The following MCF2 variants were observed in gnomAD, a reference collection of about 807,000 sequenced individuals.
MCF2 encodes proto-oncogene DBL.
A neutral mutation model predicts 82.5 loss-of-function variants in MCF2; 44 were observed. The observed-to-expected ratio is 0.53, with a 90% confidence interval of 0.42 to 0.69. MCF2 has a LOEUF of 0.69. Among genes scored for constraint, MCF2 ranks in the 30% least tolerant of loss-of-function variants. The pLI is 0.00. For missense variants in MCF2, 623 were observed against 663.1 expected (o/e 0.94, Z 0.66); for synonymous variants, 217 against 224.9 (o/e 0.96, Z 0.32).
At position 139,596,783 on chromosome X, in the gene MCF2, A is replaced by G. The variant is rs1312006456; in HGVS notation, c.2056-13T>C. On this transcript the variant is annotated splice_polypyrimidine_tract_variant and intron_variant, in intron 18 of 24. Coordinates refer to ENST00000370576, the Ensembl canonical transcript of MCF2. ...CATTTAAGTTTCCCTAGAATGGAAA[A>G]TCAAAACCCATTAGTAGAAAGCAAA... 8.9e-7 allele frequency: 1 copy of G among 1,120,169 alleles called. No homozygotes were observed. Among genetic ancestry groups the G allele is most frequent in the Non-Finnish European group, 1.2e-6 (1 of 814,015 alleles). The allele number at this position is 1,120,169 out of a possible 1,213,427, so 92.3% of individuals were successfully genotyped here.
At chrX:139,637,632 C>T (rs1283048029) in intron 1 of MCF2, among the ~76,000 whole-genome samples, 1 of 111,377 alleles carries the variant, frequency 9.0e-6, no homozygotes, top group Non-Finnish European at 1.9e-5. Context: ...TAGAATTATG[C>T]CCATAAAGAG....
intron 6 of MCF2, among the ~76,000 whole-genome samples, chrX:139,623,210 C>G (rs1196164246): frequency 9.0e-6 from 1 of 111,446 alleles, no homozygotes; most frequent in Non-Finnish European, 1.9e-5. Flanking sequence ...CCATTTGACC[C>G]AGCAATCCCA....
At chrX:139,605,083 A>G (rs1002561975) in intron 13 of MCF2, 99 bp from the exon 18 acceptor site, 2 of 323,885 alleles carry the variant, frequency 6.2e-6, no homozygotes, top group African/African-American at 5.5e-5. Context: ...AAGGGATTTG[A>G]TGGTGAAGTT....
intron 1 of MCF2, among the ~76,000 whole-genome samples, chrX:139,678,156 CT>C (rs1934916885): frequency 9.0e-6 from 1 of 111,636 alleles, no homozygotes; most frequent in African/African-American, 3.3e-5. Context: ...GACCAAGACC[CT>C]GTCTCAAAAA....
At chrX:139,606,043 C>A in intron 12 of MCF2, among the ~76,000 whole-genome samples, 1 of 102,218 alleles carries the variant, frequency 9.8e-6, no homozygotes, top group African/African-American at 3.6e-5. Flanking sequence ...ATCCCGCTTT[C>A]TTTCATATAT....
At chrX:139,696,392 G>A (rs866962560) in intron 1 of MCF2, among the ~76,000 whole-genome samples, 22 of 84,060 alleles carry the variant, frequency 2.6e-4, no homozygotes, top group Non-Finnish European at 3.6e-4. Flanking sequence ...TTCTCATCTC[G>A]TCTCCTCTTC....
chrX:139,593,015 A>C (rs983132119), intron 19 of MCF2, among the ~76,000 whole-genome samples: 1 of 112,272 alleles, frequency 8.9e-6, no homozygotes, highest in Non-Finnish European at 1.9e-5. Flanking sequence ...ACTATGAAAG[A>C]ACATGCTCAT....
intron 15 of MCF2, 80 bp from the exon 20 acceptor site, chrX:139,602,578 T>C: frequency 1.5e-6 from 1 of 647,183 alleles, no homozygotes; most frequent in Non-Finnish European, 2.5e-6. Context: ...AACAAGAGTG[T>C]AACCAAGCAT....
chrX:139,605,685 T>C (rs751743943), intron 13 of MCF2, 28 bp downstream of exon 17: 43 of 1,160,565 alleles, frequency 3.7e-5, no homozygotes, highest in Non-Finnish European at 4.9e-5. Flanking sequence ...CGGGAAAAGA[T>C]AGGGCAAATA....
At chrX:139,697,174 T>C (rs999916361) in intron 1 of MCF2, among the ~76,000 whole-genome samples, 1 of 111,988 alleles carries the variant, frequency 8.9e-6, no homozygotes, top group Non-Finnish European at 1.9e-5. Flanking sequence ...TTTGAAGCAA[T>C]GATACACAAT....
At chrX:139,691,829 G>A in intron 1 of MCF2, 2 of 793,690 alleles carry the variant, frequency 2.5e-6, no homozygotes, top group East Asian at 7.0e-5. Context: ...ATAAAGAAAA[G>A]CCGGCCGGGC....
At chrX:139,610,171 C>CT (rs1931392880) in intron 11 of MCF2, 130 bp downstream of exon 15, 3 of 436,738 alleles carry the variant, frequency 6.9e-6, no homozygotes, top group African/African-American at 5.2e-5. Flanking sequence ...GCAGCAGCAG[C>CT]TTTTTTTCTT....
intron 4 of MCF2, among the ~76,000 whole-genome samples, chrX:139,627,843 CAG>C (rs768877452): frequency 8.9e-6 from 1 of 111,836 alleles, no homozygotes; most frequent in African/African-American, 3.3e-5. Flanking sequence ...TTGTGAAAAA[CAG>C]AGCTTTCTTT....
At chrX:139,689,120 C>G in intron 1 of MCF2, among the ~76,000 whole-genome samples, 1 of 111,917 alleles carries the variant, frequency 8.9e-6, no homozygotes, top group South Asian at 3.8e-4. Flanking sequence ...TCCGCTCAGA[C>G]CTCTCCCCTT....
intron 1 of MCF2, among the ~76,000 whole-genome samples, chrX:139,685,006 A>T (rs1206056113): frequency 3.6e-5 from 4 of 111,639 alleles, no homozygotes; most frequent in Non-Finnish European, 7.5e-5. Context: ...AGCTATTTTT[A>T]AAAATAGGCT....
chrX:139,608,686 A>G (rs1931245521), intron 11 of MCF2, among the ~76,000 whole-genome samples: 1 of 111,860 alleles, frequency 8.9e-6, no homozygotes, highest in South Asian at 3.7e-4. Flanking sequence ...AAATGAAAGA[A>G]ACAAGCATGT....
chrX:139,644,641 A>T (rs1933733745), upstream of MCF2, among the ~76,000 whole-genome samples: 2 of 112,579 alleles, frequency 1.8e-5, no homozygotes, highest in South Asian at 7.4e-4. Flanking sequence ...AAGTGCTAGA[A>T]CATTGGCTTG....
At chrX:139,691,928 T>A in intron 1 of MCF2, 3 of 1,166,207 alleles carry the variant, frequency 2.6e-6, no homozygotes, top group Non-Finnish European at 3.4e-6. Flanking sequence ...CCACGAAGAC[T>A]GCTTGCAGGA....
chrX:139,623,756 C>G (rs1398346194), intron 6 of MCF2, among the ~76,000 whole-genome samples: 1 of 111,416 alleles, frequency 9.0e-6, no homozygotes, highest in East Asian at 2.8e-4. Flanking sequence ...GTTTTAAAAA[C>G]CAATAAGTAA....
Sources: allele counts gnomAD v4.1 joint callset (sites outside exome capture counted in the v4.1 genomes callset), GRCh38; gene constraint gnomAD v4.1.1; transcripts MANE v1.5; gene names NCBI Gene and HGNC (gene_info 2026-07-23, HGNC 2026-07-21).